Variants in SPHKAP observed in about 807,000 individuals in gnomAD.
The protein encoded by SPHKAP is A-kinase anchor protein SPHKAP.
Under a neutral mutation model 137.5 loss-of-function variants are expected in SPHKAP, and 67 were observed. The ratio of observed to expected loss-of-function variants is 0.49; its 90% confidence interval spans 0.40 to 0.60. The LOEUF (loss-of-function observed/expected upper bound fraction) is 0.60, where lower values mean the gene tolerates loss of function less well. Ranked by LOEUF, SPHKAP falls within the 20% of genes least tolerant of loss-of-function variation. The pLI, the probability that SPHKAP is intolerant of heterozygous loss-of-function variation, is 0.00. For synonymous variants in SPHKAP, 813 were observed against 785.3 expected, an observed-to-expected ratio of 1.04 and a Z score of -0.59; for missense variants, 2,097 against 2,069.3, an observed-to-expected ratio of 1.01 and a Z score of -0.26.
intron 11 of SPHKAP, among the ~76,000 whole-genome samples, chr2:227,990,247 G>A (rs1262709961): frequency 2.0e-5 from 3 of 152,182 alleles, no homozygotes; most frequent in African/African-American, 7.2e-5. Context: ...CCTAACTTTG[G>A]ACCTACAGAG....
intron 3 of SPHKAP, among the ~76,000 whole-genome samples, chr2:228,031,247 G>A (rs550581270): frequency 2.0e-5 from 3 of 152,294 alleles, no homozygotes; most frequent in Non-Finnish European, 4.4e-5. Flanking sequence ...AGGGTCCTAC[G>A]CCCATGGAGT....
At chr2:228,043,512 A>T (rs1695926234) in intron 3 of SPHKAP, among the ~76,000 whole-genome samples, 1 of 152,136 alleles carries the variant, frequency 6.6e-6, no homozygotes, top group African/African-American at 2.4e-5. Flanking sequence ...TTTTTAGTAG[A>T]GACAGGGTTT....
intron 8 of SPHKAP, among the ~76,000 whole-genome samples, chr2:227,994,577 G>C (rs1400665728): frequency 6.6e-6 from 1 of 152,080 alleles, no homozygotes; most frequent in African/African-American, 2.4e-5. Flanking sequence ...ATATCAACTG[G>C]ATGCCCTCGA....
chr2:228,096,630 CTG>C (rs59745287), intron 3 of SPHKAP, among the ~76,000 whole-genome samples: 25,960 of 148,646 alleles, frequency 0.17, 2,154 homozygotes, highest in Non-Finnish European at 0.2. Context: ...CAGGGGTCAA[CTG>C]TGTGTGTGTG....
chr2:228,161,250 C>A (rs772058630), intron 1 of SPHKAP, among the ~76,000 whole-genome samples: 1 of 152,086 alleles, frequency 6.6e-6, no homozygotes, highest in Non-Finnish European at 1.5e-5. Flanking sequence ...CTAGCTACTG[C>A]GTAGACAGTG....
intron 1 of SPHKAP, among the ~76,000 whole-genome samples, chr2:228,143,414 T>C (rs181443015): frequency 1.9e-3 from 290 of 152,182 alleles, no homozygotes; most frequent in Middle Eastern, 3.4e-3. Flanking sequence ...CTGGATCCTG[T>C]CTCTAAAATA....
chr2:228,058,608 T>C (rs1696530579), intron 3 of SPHKAP, among the ~76,000 whole-genome samples: 1 of 152,172 alleles, frequency 6.6e-6, no homozygotes. Context: ...AGAACATGCA[T>C]TAAGACGTTA....
At chr2:228,053,004 C>T (rs749459654) in intron 3 of SPHKAP, among the ~76,000 whole-genome samples, 21 of 152,090 alleles carry the variant, frequency 1.4e-4, no homozygotes, top group Non-Finnish European at 2.9e-4. Context: ...ATTAGATGAG[C>T]GGCTTAAGCA....
chr2:228,111,405 C>T (rs569164496), intron 2 of SPHKAP, among the ~76,000 whole-genome samples: 1 of 152,212 alleles, frequency 6.6e-6, no homozygotes, highest in Non-Finnish European at 1.5e-5. Flanking sequence ...GCTATTCTCT[C>T]AGAACTTGGG....
chr2:228,161,746 G>T (rs1325884776), intron 1 of SPHKAP, among the ~76,000 whole-genome samples: 1 of 148,500 alleles, frequency 6.7e-6, no homozygotes, highest in Non-Finnish European at 1.5e-5. Flanking sequence ...ATACATGTTT[G>T]CTTAGAAGTA....
chr2:228,034,483 C>T (rs1695495393), intron 3 of SPHKAP, among the ~76,000 whole-genome samples: 1 of 152,078 alleles, frequency 6.6e-6, no homozygotes, highest in South Asian at 2.1e-4. Flanking sequence ...CCTTCTGAAA[C>T]TATTCCAATC....
chr2:228,176,200 A>C (rs1343090679), intron 1 of SPHKAP, among the ~76,000 whole-genome samples: 1 of 152,250 alleles, frequency 6.6e-6, no homozygotes, highest in Admixed American at 6.5e-5. Context: ...AGTTTCTGTA[A>C]GTATAATGCT....
At chr2:228,167,608 T>C (rs541674887) in intron 1 of SPHKAP, among the ~76,000 whole-genome samples, 199 of 152,302 alleles carry the variant, frequency 1.3e-3, no homozygotes, top group Non-Finnish European at 1.4e-3. Context: ...CCAGATAAAT[T>C]CTTTAATGCA....
chr2:228,144,640 G>A (rs1481160300), intron 1 of SPHKAP, among the ~76,000 whole-genome samples: 1 of 152,016 alleles, frequency 6.6e-6, no homozygotes, highest in African/African-American at 2.4e-5. Flanking sequence ...TTGAAATCTA[G>A]TGCCTATAAA....
intron 3 of SPHKAP, among the ~76,000 whole-genome samples, chr2:228,032,209 C>T (rs1003639223): frequency 2.0e-5 from 3 of 152,098 alleles, no homozygotes; most frequent in African/African-American, 7.2e-5. Flanking sequence ...AGCTGAAAGC[C>T]AAGGCTCGAG....
chr2:228,000,234 C>G (rs1431613785), intron 7 of SPHKAP, among the ~76,000 whole-genome samples: 1 of 152,236 alleles, frequency 6.6e-6, no homozygotes, highest in Non-Finnish European at 1.5e-5. Context: ...AATCCCAGCA[C>G]TTTGGGAGGC....
chr2:228,159,621 A>G lies in SPHKAP; in HGVS notation c.32+21946T>C, dbSNP rs944268885. On this transcript the variant is annotated intron_variant, in intron 1 of 11. Coordinates refer to ENST00000392056, the MANE Select transcript of SPHKAP (RefSeq NM_001142644.2). ...ATTTATGTCACAAAAGGTTAAAGAA[A>G]TAACTTACAATTACACATTTTCTAG... 8.5e-5 allele frequency among the ~76,000 whole-genome samples: 13 copies of G among 152,334 alleles called. No individual in the cohort carries two copies. The East Asian group carries it at 2.5e-3, about 29-fold the overall frequency.
At chr2:228,172,957 C>T (rs1172223734) in intron 1 of SPHKAP, 1 of 821,534 alleles carries the variant, frequency 1.2e-6, no homozygotes, top group African/African-American at 1.9e-5. Flanking sequence ...AAGTACAATC[C>T]TGCCCTATGC....
At chr2:228,166,559 T>G (rs1204082356) in intron 1 of SPHKAP, among the ~76,000 whole-genome samples, 1 of 152,218 alleles carries the variant, frequency 6.6e-6, no homozygotes, top group Non-Finnish European at 1.5e-5. Flanking sequence ...ATATAATTAA[T>G]TTTCAAGGTT....
Sources: gnomAD v4.1 joint callset for allele counts (sites outside exome capture counted in the v4.1 genomes callset) on GRCh38, gnomAD v4.1.1 for gene constraint, MANE v1.5 for transcripts, NCBI Gene and HGNC (gene_info 2026-07-23, HGNC 2026-07-21) for gene names.